Variants in VRK2 observed in about 807,000 individuals in gnomAD.
VRK2 encodes VRK serine/threonine kinase 2, also known as serine/threonine-protein kinase VRK2.
In VRK2, 60 loss-of-function variants were observed where a neutral mutation model predicts 57.6. That is an observed-to-expected ratio of 1.04 (90% CI 0.85 to 1.29). The LOEUF is 1.29. Ranked by LOEUF, VRK2 falls within the 50% of genes most tolerant of loss-of-function variation. The pLI is 0.00. For synonymous variants in VRK2, 231 were observed against 199.2 expected (o/e 1.16, Z -1.35); for missense variants, 705 against 588.1 (o/e 1.20, Z -2.06).
chr2:58,097,838 G>T (rs907444690), intron 7 of VRK2, among the ~76,000 whole-genome samples: 1 of 151,934 alleles, frequency 6.6e-6, no homozygotes, highest in Non-Finnish European at 1.5e-5. Context: ...TATGTTACTA[G>T]TTTATATGTT....
At chr2:58,146,931 A>C (rs183925684) in intron 12 of VRK2, among the ~76,000 whole-genome samples, 207 of 152,078 alleles carry the variant, frequency 1.4e-3, no homozygotes, top group African/African-American at 4.8e-3. Flanking sequence ...GACTCATTCA[A>C]GTAACAGCAA....
At chr2:58,136,327 A>G (rs1054894004) in intron 10 of VRK2, among the ~76,000 whole-genome samples, 1 of 152,052 alleles carries the variant, frequency 6.6e-6, no homozygotes, top group African/African-American at 2.4e-5. Flanking sequence ...TTTTGTTTTC[A>G]TAATTGTCAA....
intron 7 of VRK2, among the ~76,000 whole-genome samples, chr2:58,096,927 A>G (rs1177451869): frequency 1.3e-5 from 2 of 151,966 alleles, no homozygotes; most frequent in Non-Finnish European, 2.9e-5. Context: ...TTCACCAAAA[A>G]AGTAGTTCAG....
At chr2:57,910,498 A>T (rs1312770580) in intron 1 of VRK2, among the ~76,000 whole-genome samples, 2 of 152,212 alleles carry the variant, frequency 1.3e-5, no homozygotes, top group Non-Finnish European at 2.9e-5. Flanking sequence ...GACAAAATGG[A>T]TCATGACAAG....
chr2:58,000,452 C>G (rs1673056270), intron 1 of VRK2, among the ~76,000 whole-genome samples: 1 of 152,172 alleles, frequency 6.6e-6, no homozygotes, highest in Admixed American at 6.5e-5. Context: ...GACACCCATA[C>G]TTCATTTTTT....
In VRK2 at chr2:58,084,139, G is replaced by T; in HGVS notation, c.186+1G>T. The T allele has an allele frequency of 1.9e-6, 3 of 1,604,656 alleles. No homozygotes were observed. In the South Asian group the frequency reaches 3.4e-5, roughly 18 times the overall value. ...AGATGCAAGACATGTAGTAAAAGTG[G>T]TAAGTGTTGCTCATAGATTTGTATT... On this transcript the variant is annotated splice_donor_variant, in intron 3 of 12. Coordinates refer to ENST00000340157, the MANE Select transcript of VRK2 (RefSeq NM_006296.7). LOFTEE classifies it high-confidence loss of function.
chr2:57,944,824 C>CT (rs34205194), intron 1 of VRK2, among the ~76,000 whole-genome samples: 52,800 of 151,638 alleles, frequency 0.35, 12,501 homozygotes, highest in African/African-American at 0.69. Flanking sequence ...CCCTTGTTCC[C>CT]TTTTTTTCAA....
intron 1 of VRK2, among the ~76,000 whole-genome samples, chr2:57,987,310 T>G (rs1478904299): frequency 6.6e-6 from 1 of 152,024 alleles, no homozygotes; most frequent in Admixed American, 6.6e-5. Flanking sequence ...CAAAACTCAG[T>G]AAGAAGACAA....
intron 1 of VRK2, among the ~76,000 whole-genome samples, chr2:57,945,128 A>G (rs541826219): frequency 6.6e-6 from 1 of 152,340 alleles, no homozygotes; most frequent in African/African-American, 2.4e-5. Context: ...TCACCAATTC[A>G]CATATAAAAT....
intron 4 of VRK2, among the ~76,000 whole-genome samples, chr2:58,085,358 G>A (rs1290641641): frequency 6.6e-6 from 1 of 151,866 alleles, no homozygotes; most frequent in African/African-American, 2.4e-5. Context: ...AATGGATTGG[G>A]GCAAGGTGTG....
intron 1 of VRK2, among the ~76,000 whole-genome samples, chr2:57,946,364 C>G: frequency 6.6e-6 from 1 of 151,874 alleles, no homozygotes; most frequent in East Asian, 1.9e-4. Context: ...ATTTACATGC[C>G]ACAAGCATTT....
intron 7 of VRK2, among the ~76,000 whole-genome samples, chr2:58,091,811 T>C (rs1030650332): frequency 2.6e-5 from 4 of 152,138 alleles, no homozygotes; most frequent in Non-Finnish European, 4.4e-5. Flanking sequence ...AGGCTACCTT[T>C]GTGAAAAATG....
intron 1 of VRK2, among the ~76,000 whole-genome samples, chr2:57,993,049 A>G (rs1350879616): frequency 3.9e-5 from 6 of 152,198 alleles, no homozygotes; most frequent in Non-Finnish European, 7.3e-5. Context: ...AAGTGGTTCT[A>G]CTGGTTAAAT....
At chr2:58,105,489 A>G (rs556390081) in intron 7 of VRK2, among the ~76,000 whole-genome samples, 1 of 151,776 alleles carries the variant, frequency 6.6e-6, no homozygotes, top group Non-Finnish European at 1.5e-5. Flanking sequence ...ATTAAAACCA[A>G]CTGAGATATC....
intron 1 of VRK2, among the ~76,000 whole-genome samples, chr2:58,001,601 C>T (rs1471716437): frequency 1.3e-5 from 2 of 152,108 alleles, no homozygotes; most frequent in Non-Finnish European, 2.9e-5. Context: ...GCGGGCTGAT[C>T]ACTTGAGGTG....
chr2:58,116,706 A>G (rs921859003), intron 7 of VRK2, among the ~76,000 whole-genome samples: 1 of 152,118 alleles, frequency 6.6e-6, no homozygotes, highest in Non-Finnish European at 1.5e-5. Flanking sequence ...GCCAAGAAGG[A>G]GTCAGTCAGA....
chr2:57,994,329 G>A (rs1672859599), intron 1 of VRK2, among the ~76,000 whole-genome samples: 2 of 152,172 alleles, frequency 1.3e-5, no homozygotes, highest in African/African-American at 4.8e-5. Flanking sequence ...AACTGTGTAA[G>A]TTTAAAGAGA....
intron 1 of VRK2, among the ~76,000 whole-genome samples, chr2:57,957,555 AG>A (rs1479046280): frequency 6.7e-6 from 1 of 149,050 alleles, no homozygotes; most frequent in African/African-American, 2.4e-5. Flanking sequence ...AACCAACAAA[AG>A]TATATGTAGA....
upstream of VRK2, among the ~76,000 whole-genome samples, chr2:58,046,129 G>A (rs1674725839): frequency 6.6e-6 from 1 of 152,204 alleles, no homozygotes; most frequent in South Asian, 2.1e-4. Context: ...ACAGGCGTGA[G>A]CCACCGCACC....
Sources: gnomAD v4.1 joint callset for allele counts (sites outside exome capture counted in the v4.1 genomes callset) on GRCh38, gnomAD v4.1.1 for gene constraint, MANE v1.5 for transcripts, NCBI Gene and HGNC (gene_info 2026-07-23, HGNC 2026-07-21) for gene names.